The following NECTIN4 variants were observed in gnomAD, a reference collection of about 807,000 sequenced individuals.
NECTIN4 encodes the protein nectin-4.
Under a neutral mutation model 51.7 loss-of-function variants are expected in NECTIN4, and 19 were observed. The observed-to-expected ratio is 0.37, with a 90% CI of 0.26 to 0.54. The LOEUF is 0.54. NECTIN4 is among the 20% of genes least tolerant of loss of function. The probability of loss-of-function intolerance (pLI) is 0.86; values close to 1 mark genes in which losing one functional copy is unlikely to be tolerated. For missense variants in NECTIN4, 619 were observed against 662.4 expected, an observed-to-expected ratio of 0.93 and a Z score of 0.72; for synonymous variants, 283 against 286.9, an observed-to-expected ratio of 0.99 and a Z score of 0.14.
At chr1:161,075,936 G>A (rs1349072283) in intron 4 of NECTIN4, among the ~76,000 whole-genome samples, 1 of 151,372 alleles carries the variant, frequency 6.6e-6, no homozygotes, top group Non-Finnish European at 1.5e-5. Flanking sequence ...ATTAGCTGGG[G>A]TTGGTGGCGC....
rs575343594 is a variant in NECTIN4 at position 161,079,921 on chromosome 1, G to T, written c.108C>A (p.Thr36=). 1 of 1,608,860 alleles carries T rather than the reference G, an allele frequency of 6.2e-7. No homozygotes were observed. The highest frequency in any genetic ancestry group is 8.5e-7 in the Non-Finnish European group (1 of 1,176,066). The change falls in exon 2 of 9, where the codon ACC becomes ACA. Residue 36 remains threonine (T), a synonymous_variant. Coordinates refer to ENST00000368012, the MANE Select transcript of NECTIN4 (RefSeq NM_030916.3). ...TGRCPAGELE[T]SDVVTVVLGQ... Reference sequence around the variant, plus strand: ...CCAGCACCACAGTTACCACGTCTGAGGTCTCCAGCTCACCCGCGGGGCACC... The same window carrying T: ...CCAGCACCACAGTTACCACGTCTGATGTCTCCAGCTCACCCGCGGGGCACC...
intron 8 of NECTIN4, 55 bp downstream of exon 8, chr1:161,073,170 C>T: frequency 4.6e-6 from 7 of 1,510,236 alleles, no homozygotes; most frequent in Admixed American, 1.7e-5. Flanking sequence ...TATCTGGGAC[C>T]AGGACAGGGG....
At position 161,072,225 on chromosome 1, in the gene NECTIN4, A is replaced by C. The variant is rs1264775029; in HGVS notation, c.*436T>G. 3.1e-6 allele frequency: 1 copy of C among 324,332 alleles called. No homozygotes were observed. Among genetic ancestry groups the C allele is most frequent in the Non-Finnish European group, 6.1e-6 (1 of 165,218 alleles). 20.1% of individuals were successfully genotyped at this position (324,332 alleles called of 1,614,324 possible). A position where few individuals can be genotyped will look rare whatever the true frequency, so the allele number is the denominator to read the frequency against. ...TTAATACTGCTCTGGGGTCTGAGAA[A>C]ATACCTGCTTTTTCAGGCAGAGGTC... On this transcript the variant is annotated 3_prime_UTR_variant, in exon 9 of 9. Transcript: ENST00000368012.
At chr1:161,080,833 C>T (rs1267577855) in intron 1 of NECTIN4, among the ~76,000 whole-genome samples, 2 of 152,192 alleles carry the variant, frequency 1.3e-5, no homozygotes, top group Admixed American at 6.5e-5. Context: ...AATAAGGATC[C>T]ACTCCCTGCT....
chr1:161,074,440 T>G (rs1653320806), intron 5 of NECTIN4, 67 bp from the exon 6 acceptor site: 1 of 1,609,122 alleles, frequency 6.2e-7, no homozygotes, highest in Non-Finnish European at 8.5e-7. Flanking sequence ...ACCTCACAGC[T>G]CCCCCGCAAA....
At position 161,073,891 on chromosome 1, in the gene NECTIN4, T is replaced by C. The variant is rs183593459; in HGVS notation, c.1158-96A>G. On this transcript the variant is annotated intron_variant, in intron 6 of 8. Transcript: ENST00000368012. ...AGCCTAGTGAGACAGGCCCGGAGGG[T>C]GTGGGTGCCGTGCTGGCCCTGCAAG... is the stretch of plus-strand genomic sequence containing the variant. 3.0e-4 allele frequency: 342 copies of C among 1,141,660 alleles called. 1 individual carries two copies. In the African/African-American group the frequency reaches 4.5e-3, roughly 15 times the overall value. The allele number at this position is 1,141,660 out of a possible 1,614,324, so 70.7% of individuals were successfully genotyped here.
chr1:161,076,541 G>A, intron 3 of NECTIN4, 66 bp from the exon 4 acceptor site: 1 of 1,599,008 alleles, frequency 6.3e-7, no homozygotes, highest in Non-Finnish European at 8.5e-7. Context: ...ACCTCAAAGG[G>A]CCCTGCCCCC....
At chr1:161,084,774 TGC>T (rs1653852007) in intron 1 of NECTIN4, 1 of 152,058 alleles carries the variant, frequency 6.6e-6, no homozygotes. Context: ...GCTCTGCTGC[TGC>T]CACCACCAGA....
chr1:161,079,849 C>G lies in NECTIN4; in HGVS notation c.180G>C (p.Glu60Asp). The part of the protein sequence containing the change: ...LPCFYRGDSG[E>D]QVGQVAWARV... ...GAGCCCATGCCACTTGCCCCACTTG[C>G]TCGCCGGAGTCCCCTCGGTAGAAGC... The change falls in exon 2 of 9, where the codon GAG becomes GAC. Residue 60 changes from glutamate to aspartate, a missense_variant. By Grantham distance (45) the Glu-to-Asp change is conservative (BLOSUM62 2). Coordinates refer to ENST00000368012, the MANE Select transcript of NECTIN4 (RefSeq NM_030916.3). The G allele has an allele frequency of 6.2e-6, 10 of 1,613,934 alleles. No individual in the cohort carries two copies. The highest frequency in any genetic ancestry group is 8.5e-6 in the Non-Finnish European group (10 of 1,180,020).
rs139639541 is a variant in NECTIN4 at position 161,074,730 on chromosome 1, C to T, written c.881G>A (p.Arg294Gln). The change falls in exon 5 of 9, where the codon CGA becomes CAA. Residue 294 changes from arginine (R) to glutamine (Q), a missense_variant. This residue lies in a region of NECTIN4 where 364 missense variants were observed against 415.7 expected (regional missense o/e 0.88). Coordinates refer to ENST00000368012, the MANE Select transcript of NECTIN4 (RefSeq NM_030916.3). ...RLDGPLPSGV[R>Q]VDGDTLGFPP... ...AAAGCCCAAAGTGTCCCCATCCACT[C>T]GTACCCCACTGGGCAGAGGCCCATC... 8.4e-5 allele frequency: 136 copies of T among 1,614,040 alleles called. 3 individuals are homozygous for T. Among genetic ancestry groups the T allele is most frequent in the South Asian group, 7.7e-4 (70 of 91,076 alleles).
intron 1 of NECTIN4, among the ~76,000 whole-genome samples, chr1:161,086,349 C>G (rs1024913134): frequency 3.9e-5 from 6 of 152,168 alleles, no homozygotes; most frequent in East Asian, 3.9e-4. Flanking sequence ...TCTCCCAGTT[C>G]TCACCACCTC....
chr1:161,073,731 G>T lies in NECTIN4; in HGVS notation c.1222C>A (p.Pro408Thr), dbSNP rs1653289564. The change falls in exon 7 of 9, where the codon CCC becomes ACC. Residue 408 changes from proline (P) to threonine (T), a missense_variant. Physicochemically the swap from Pro to Thr is conservative, Grantham distance 38. Around this residue, in one of 3 missense-constraint regions of NECTIN4, gnomAD observed 364 missense variants for 415.7 expected, o/e 0.88. Coordinates refer to ENST00000368012, the MANE Select transcript of NECTIN4 (RefSeq NM_030916.3). ...ACCTTGGCACACACCTGGCTCCTGGGGTCCGTGTGATGGGAATGCAGCCTC... is the reference window on the plus strand; with the variant it reads ...ACCTTGGCACACACCTGGCTCCTGGTGTCCGTGTGATGGGAATGCAGCCTC... The part of the protein sequence containing the change: ...IRRLHSHHTD[P>T]RSQPEESVGL... 2.5e-6 allele frequency: 4 copies of T among 1,614,140 alleles called. No homozygotes were observed. The Middle Eastern group carries it at 6.6e-4, about 266-fold the overall frequency.
chr1:161,087,853 T>C (rs919951233), intron 1 of NECTIN4, among the ~76,000 whole-genome samples: 2 of 152,148 alleles, frequency 1.3e-5, no homozygotes, highest in Non-Finnish European at 2.9e-5. Context: ...ATCTGTAAAA[T>C]GAGAGAGTTG....
Position 161,072,436 on chromosome 1 carries a change from C to A in NECTIN4, c.*225G>T. Reference sequence around the variant, plus strand: ...CACACACAGTCAGTCAACACTCACACAGGCACACATGCACACACACAGTGA... The same window carrying A: ...CACACACAGTCAGTCAACACTCACAAAGGCACACATGCACACACACAGTGA... On this transcript the variant is annotated 3_prime_UTR_variant, in exon 9 of 9. Transcript: ENST00000368012. The A allele has an allele frequency of 1.6e-6, 1 of 612,030 alleles. No individual in the cohort carries two copies. The highest frequency in any genetic ancestry group is 3.0e-6 in the Non-Finnish European group (1 of 338,958). The allele number at this position is 612,030 out of a possible 1,614,324, so 37.9% of individuals were successfully genotyped here.
At chr1:161,078,253 T>C (rs539716219) in intron 2 of NECTIN4, among the ~76,000 whole-genome samples, 9 of 152,124 alleles carry the variant, frequency 5.9e-5, no homozygotes, top group Non-Finnish European at 1.2e-4. Context: ...TTAACTTATA[T>C]GTGAATAAAG....
chr1:161,072,839 C>T lies in NECTIN4; in HGVS notation c.1355G>A (p.Arg452Lys). 6.2e-7 allele frequency: 1 copy of T among 1,614,240 alleles called. No homozygotes were observed. Among genetic ancestry groups the T allele is most frequent in the Non-Finnish European group, 8.5e-7 (1 of 1,180,042 alleles). Reference protein sequence around the residue: ...GRSYSTLTTVREIETQTELLS... With the variant: ...GRSYSTLTTVKEIETQTELLS... ...CAGTTCAGTCTGTGTTTCTATCTCC[C>T]TCACCGTGGTCAGCGTGGAGTAACT... Residue 452 changes from arginine to lysine, a missense_variant, in exon 9 of 9, where the codon AGG (arginine) becomes AAG (lysine). Arg to Lys is a conservative substitution (Grantham distance 26). This residue lies in a region of NECTIN4 where 364 missense variants were observed against 415.7 expected (regional missense o/e 0.88). Coordinates refer to ENST00000368012, the MANE Select transcript of NECTIN4 (RefSeq NM_030916.3).
chr1:161,072,991 G>T, intron 8 of NECTIN4, 106 bp from the exon 9 acceptor site: 3 of 1,175,562 alleles, frequency 2.6e-6, no homozygotes, highest in Admixed American at 2.0e-5. Context: ...GTAAGCAGGG[G>T]TAACGGTTGC....
At position 161,074,382 on chromosome 1, in the gene NECTIN4, G is replaced by C. The variant is rs770910249; in HGVS notation, c.1001-9C>G. 5 of 1,613,912 alleles carry C rather than the reference G, an allele frequency of 3.1e-6. No homozygotes were observed. In the South Asian group the frequency reaches 5.5e-5, roughly 18 times the overall value. On this transcript the variant is annotated splice_polypyrimidine_tract_variant and intron_variant, in intron 5 of 8. Transcript: ENST00000368012. ...AGAGTCTTCCTGGGGGTCTGCTGGA[G>C]ACAGGCCACTGTCTGAGGTGGAAGC...
chr1:161,071,008 CTGTT>C lies in NECTIN4; in HGVS notation c.*1649_*1652del, dbSNP rs1653123133. Reference sequence around the variant, plus strand: ...AGGAGCCAGACAGAACAAGTTTTGTCTGTTTATTTAAAAACAGAATATCATTTTA... The same window carrying C: ...AGGAGCCAGACAGAACAAGTTTTGTCTATTTAAAAACAGAATATCATTTTA... On this transcript the variant is annotated 3_prime_UTR_variant, in exon 9 of 9. Transcript: ENST00000368012. 6.6e-6 allele frequency: 1 copy of C among 152,178 alleles called. No individual in the cohort carries two copies. Among genetic ancestry groups the C allele is most frequent in the Admixed American group, 6.5e-5 (1 of 15,282 alleles). The allele number at this position is 152,178 out of a possible 1,614,324, so 9.4% of individuals were successfully genotyped here. A position where few individuals can be genotyped will look rare whatever the true frequency, so the allele number is the denominator to read the frequency against.
Sources: gnomAD v4.1 joint callset for allele counts (sites outside exome capture counted in the v4.1 genomes callset) on GRCh38, gnomAD v4.1.1 for gene constraint, gnomAD v4.1.1 regional missense constraint, MANE v1.5 for transcripts, NCBI Gene and HGNC (gene_info 2026-07-23, HGNC 2026-07-21) for gene names.